The following CCT3 variants were observed in gnomAD, a reference collection of about 807,000 sequenced individuals.
CCT3 encodes the protein T-complex protein 1 subunit gamma.
Under a neutral mutation model 65.3 loss-of-function variants are expected in CCT3, and 10 were observed. That is an observed-to-expected ratio of 0.15 (90% CI 0.09 to 0.26). The LOEUF (loss-of-function observed/expected upper bound fraction) is 0.26, where lower values mean the gene tolerates loss of function less well. Among genes scored for constraint, CCT3 ranks in the 10% least tolerant of loss-of-function variants. CCT3 has a pLI of 1.00. For synonymous variants in CCT3, 225 were observed against 242.3 expected (o/e 0.93, Z 0.66); for missense variants, 626 against 708.7 (o/e 0.88, Z 1.33).
chr1:156,337,125 C>A, intron 1 of CCT3: 1 of 1,282,974 alleles, frequency 7.8e-7, no homozygotes, highest in South Asian at 1.2e-5. Context: ...AAATAAGGGA[C>A]CGGGCGCGGT....
chr1:156,332,926 G>C (rs1343023188), intron 5 of CCT3: 3 of 154,436 alleles, frequency 1.9e-5, no homozygotes, highest in South Asian at 1.9e-4. Flanking sequence ...GTTGATGAAA[G>C]TGTGACCAGA....
At chr1:156,313,362 A>AAGAG (rs1359299147) in intron 10 of CCT3, among the ~76,000 whole-genome samples, 2 of 146,086 alleles carry the variant, frequency 1.4e-5, no homozygotes, top group African/African-American at 2.5e-5. Flanking sequence ...AAAAAAAAAA[A>AAGAG]AGAGAGAGAG....
rs200835403 is a variant in CCT3, at chr1:156,311,090, C to A, written c.1261G>T (p.Ala421Ser). The A allele has an allele frequency of 3.6e-4, 584 of 1,614,160 alleles. 1 individual carries two copies. Among genetic ancestry groups the A allele is most frequent in the Middle Eastern group, 2.1e-3 (13 of 6,062 alleles). Residue 421 changes from alanine (A) to serine (S), a missense_variant, in exon 12 of 14, where the codon GCC becomes TCC. Coordinates refer to ENST00000295688, the MANE Select transcript of CCT3 (RefSeq NM_005998.5). ...GGASEMAVAH[A>S]LTEKSKAMTG... is the part of the protein sequence containing the mutation. ...ATGGCCTTGGATTTTTCTGTCAAGG[C>A]ATGGGCCACAGCCATCTCGGAGGCC... is the stretch of plus-strand genomic sequence containing the variant.
intron 5 of CCT3, among the ~76,000 whole-genome samples, chr1:156,332,075 G>C (rs550090055): frequency 2.0e-5 from 3 of 151,738 alleles, no homozygotes; most frequent in Non-Finnish European, 4.4e-5. Context: ...GCCCAGGTTG[G>C]AGTGCAGTGG....
chr1:156,328,846 T>C (rs1248260636), intron 5 of CCT3, among the ~76,000 whole-genome samples: 1 of 146,598 alleles, frequency 6.8e-6, no homozygotes, highest in Non-Finnish European at 1.5e-5. Context: ...CACCCAAGAA[T>C]GATCAATAAA....
In CCT3 at chr1:156,338,140, TC is replaced by T; in HGVS notation, c.31+13del. On this transcript the variant is annotated intron_variant, in intron 1 of 13. Coordinates refer to ENST00000295688, the MANE Select transcript of CCT3 (RefSeq NM_005998.5). ...CGAAAAGGGGGTCCATTTCCTGGCA[TC>T]CCCAGAACTCACTGAGCACGAGCAC... is the stretch of plus-strand genomic sequence containing the variant. The T allele has an allele frequency of 6.3e-7, 1 of 1,582,230 alleles. No individual in the cohort carries two copies. Among genetic ancestry groups the T allele is most frequent in the East Asian group, 2.3e-5 (1 of 43,932 alleles).
chr1:156,323,166 T>C (rs920744324), intron 6 of CCT3, among the ~76,000 whole-genome samples: 2 of 151,534 alleles, frequency 1.3e-5, no homozygotes, highest in Admixed American at 6.6e-5. Flanking sequence ...ATTAGCCGGA[T>C]GTGGATGCAC....
intron 1 of CCT3, chr1:156,336,985 G>A (rs1665409936): frequency 4.3e-6 from 3 of 693,392 alleles, no homozygotes; most frequent in African/African-American, 4.0e-5. Flanking sequence ...AACTCTGAAA[G>A]GCAGTCAGTA....
In CCT3 at chr1:156,338,280, C is replaced by T; in HGVS notation, c.-96G>A. 4 of 1,267,838 alleles carry T rather than the reference C, an allele frequency of 3.2e-6. No individual in the cohort carries two copies. Among genetic ancestry groups the T allele is most frequent in the Non-Finnish European group, 4.5e-6 (4 of 892,082 alleles). 78.5% of individuals were successfully genotyped at this position (1,267,838 alleles called of 1,614,324 possible). A position where few individuals can be genotyped will look rare whatever the true frequency, so the allele number is the denominator to read the frequency against. The stretch of plus-strand genomic sequence containing the variant: ...GACAGAAGCCCAGAAAACGCTGCCT[C>T]CTCAGGGCTTACACCTCAACCCGCT... On this transcript the variant is annotated 5_prime_UTR_variant, in exon 1 of 14. Transcript: ENST00000295688.
chr1:156,332,094 C>T (rs568369560), intron 5 of CCT3, among the ~76,000 whole-genome samples: 11 of 152,180 alleles, frequency 7.2e-5, no homozygotes, highest in South Asian at 2.1e-4. Context: ...GGCACAAACA[C>T]GGCTCACTGC....
intron 1 of CCT3, chr1:156,337,697 C>T: frequency 5.7e-6 from 1 of 174,270 alleles, no homozygotes; most frequent in Non-Finnish European, 1.2e-5. Context: ...TCTCACAATT[C>T]TACTAGGAAA....
At chr1:156,337,900 T>C in intron 1 of CCT3, 4 of 527,854 alleles carry the variant, frequency 7.6e-6, no homozygotes, top group Non-Finnish European at 1.3e-5. Flanking sequence ...GAACGCGGAG[T>C]GGGAAAGAGC....
intron 2 of CCT3, 65 bp from the exon 3 acceptor site, chr1:156,334,983 T>A (rs1665274254): frequency 7.0e-7 from 1 of 1,438,520 alleles, no homozygotes; most frequent in Non-Finnish European, 9.8e-7. Context: ...AATGTTGGAG[T>A]AATAGGGAAA....
chr1:156,321,034 A>T lies in CCT3; in HGVS notation c.423-9T>A, dbSNP rs771825749. ...TGATGTCGACTGGGATACTAGAGAA[A>T]AGAAAACCAGACGATATGTGAAGAA... On this transcript the variant is annotated splice_polypyrimidine_tract_variant and intron_variant, in intron 6 of 13. Coordinates refer to ENST00000295688, the MANE Select transcript of CCT3 (RefSeq NM_005998.5). The T allele has an allele frequency of 3.7e-6, 6 of 1,609,366 alleles. No homozygotes were observed. The highest frequency in any genetic ancestry group is 5.1e-6 in the Non-Finnish European group (6 of 1,176,224).
At chr1:156,334,949 C>A (rs367728254) in intron 2 of CCT3, 31 bp from the exon 3 acceptor site, 6 of 1,604,544 alleles carry the variant, frequency 3.7e-6, no homozygotes, top group Non-Finnish European at 4.3e-6. Context: ...AATACGCAAG[C>A]ACAAATCAGA....
Position 156,317,463 on chromosome 1 carries a change from T to C in CCT3, c.844A>G (p.Ile282Val). 6.2e-7 allele frequency: 1 copy of C among 1,614,052 alleles called. No individual in the cohort carries two copies. Among genetic ancestry groups the C allele is most frequent in the Non-Finnish European group, 8.5e-7 (1 of 1,179,920 alleles). The change falls in exon 9 of 14, where the codon ATT (isoleucine) becomes GTT (valine). Residue 282 changes from isoleucine to valine, a missense_variant. Physicochemically the swap from Ile to Val is conservative, Grantham distance 29. Transcript: ENST00000295688. ...EEYIQQLCED[I>V]IQLKPDVVIT... is the part of the protein sequence containing the mutation. ...ACCACATCGGGCTTCAGTTGGATAATGTCCTCACAGAGCTGCTGGATGTAC... is the reference window on the plus strand; with the variant it reads ...ACCACATCGGGCTTCAGTTGGATAACGTCCTCACAGAGCTGCTGGATGTAC...
intron 10 of CCT3, among the ~76,000 whole-genome samples, chr1:156,313,056 A>G (rs1664149057): frequency 6.6e-6 from 1 of 152,196 alleles, no homozygotes; most frequent in Non-Finnish European, 1.5e-5. Flanking sequence ...TAAGAAAATG[A>G]TTGAGGGCTG....
intron 5 of CCT3, among the ~76,000 whole-genome samples, chr1:156,328,865 TA>T (rs138492431): frequency 0.26 from 37,641 of 145,768 alleles, 5,066 homozygotes; most frequent in Non-Finnish European, 0.3. Context: ...AAAATAAAAA[TA>T]AAAAAAAAAA....
intron 10 of CCT3, among the ~76,000 whole-genome samples, chr1:156,312,878 A>C (rs1217710285): frequency 6.6e-6 from 1 of 152,246 alleles, no homozygotes; most frequent in African/African-American, 2.4e-5. Context: ...AATCATTATG[A>C]TACCTCATCA....
Sources: gnomAD v4.1 joint callset for allele counts (sites outside exome capture counted in the v4.1 genomes callset) on GRCh38, gnomAD v4.1.1 for gene constraint, MANE v1.5 for transcripts, NCBI Gene and HGNC (gene_info 2026-07-23, HGNC 2026-07-21) for gene names.